Variants in SYCP3 observed in about 807,000 individuals in gnomAD.
SYCP3 encodes the protein synaptonemal complex protein 3.
In SYCP3, 29 loss-of-function variants were observed where a neutral mutation model predicts 38.5. The ratio of observed to expected loss-of-function variants is 0.75; its 90% CI spans 0.56 to 1.03. The LOEUF (loss-of-function observed/expected upper bound fraction) is 1.03, where lower values mean the gene tolerates loss of function less well. Among genes scored for constraint, SYCP3 ranks in the 50% least tolerant of loss-of-function variants. The probability of loss-of-function intolerance (pLI) is 0.00; values close to 1 mark genes in which losing one functional copy is unlikely to be tolerated. For synonymous variants in SYCP3, 79 were observed against 80.3 expected (o/e 0.98, Z 0.08); for missense variants, 242 against 270.7 (o/e 0.89, Z 0.74).
At chr12:101,731,542 G>GTTGT in intron 7 of SYCP3, 26 bp downstream of exon 7, 1 of 1,434,212 alleles carries the variant, frequency 7.0e-7, no homozygotes, top group Non-Finnish European at 9.6e-7. Context: ...TTATAACGAT[G>GTTGT]TATTGTGTTA....
At chr12:101,736,619 T>C (rs758954605) in intron 4 of SYCP3, among the ~76,000 whole-genome samples, 1 of 151,822 alleles carries the variant, frequency 6.6e-6, no homozygotes, top group Non-Finnish European at 1.5e-5. Context: ...ATTTACACTG[T>C]CCTCCCTAAA....
chr12:101,735,137 CA>C (rs1952353292), intron 4 of SYCP3, 93 bp from the exon 5 acceptor site: 9 of 772,160 alleles, frequency 1.2e-5, no homozygotes, highest in Non-Finnish European at 1.7e-5. Flanking sequence ...GTTGGTTCAA[CA>C]ATATTGGAAA....
intron 6 of SYCP3, 36 bp downstream of exon 6, chr12:101,733,539 G>A (rs1952270693): frequency 1.3e-6 from 2 of 1,573,468 alleles, no homozygotes; most frequent in East Asian, 4.5e-5. Flanking sequence ...TCCTACTTGA[G>A]ACTTGGTTGA....
Position 101,729,211 on chromosome 12 carries a change from A to G in SYCP3, c.555T>C (p.Ser185=). ...CATGATTCTTCTCCAACTCTTCCAT[A>G]CTCTAAAAACACAAAAGACAAGTTA... ...IKQLYEQFIK[S]MEELEKNHDN... Residue 185 remains serine, a splice_region_variant and synonymous_variant, in exon 8 of 9, where the codon AGT becomes AGC. Transcript: ENST00000392924. 1.2e-6 allele frequency: 2 copies of G among 1,612,582 alleles called. No individual in the cohort carries two copies. The highest frequency in any genetic ancestry group is 2.2e-5 in the East Asian group (1 of 44,698).
At position 101,735,029 on chromosome 12, in the gene SYCP3, G is replaced by T; in HGVS notation, c.251C>A (p.Ala84Asp). The part of the protein sequence containing the change: ...LEGVGVDINK[A>D]LLAKRKRLEM... ...TAGTCTCTTTCTCTTGGCAAGAAGA[G>T]CCTTGTTAATGTCAACTAGATTGAA... Residue 84 changes from alanine (A) to aspartate (D), a missense_variant, in exon 5 of 9, where the codon GCT (alanine) becomes GAT (aspartate). Coordinates refer to ENST00000392924, the MANE Select transcript of SYCP3 (RefSeq NM_001177949.2). 6.2e-7 allele frequency: 1 copy of T among 1,608,456 alleles called. No individual in the cohort carries two copies. Among genetic ancestry groups the T allele is most frequent in the Non-Finnish European group, 8.5e-7 (1 of 1,175,326 alleles).
rs760848014 is a variant in SYCP3 at position 101,737,313 on chromosome 12, A to T, written c.134-15T>A. The T allele has an allele frequency of 2.5e-4, 14 of 55,672 alleles. No homozygotes were observed. Among genetic ancestry groups the T allele is most frequent in the African/African-American group, 8.5e-4 (7 of 8,202 alleles). 3.4% of individuals were successfully genotyped at this position (55,672 alleles called of 1,614,324 possible). ...TGCAGTCTTCCCTGTATTGACAATT[A>T]AAAAAAAAAAAAAAAAGCTTTTGAA... On this transcript the variant is annotated splice_polypyrimidine_tract_variant and intron_variant, in intron 2 of 8. Transcript: ENST00000392924.
In SYCP3 at chr12:101,728,788, AAGGGAGGTCTTACAATG is replaced by A; in HGVS notation, c.*122_*138del. The A allele has an allele frequency of 8.2e-7, 1 of 1,222,344 alleles. No homozygotes were observed. Among genetic ancestry groups the A allele is most frequent in the South Asian group, 1.4e-5 (1 of 73,868 alleles). 75.7% of individuals were successfully genotyped at this position (1,222,344 alleles called of 1,614,324 possible). ...AACTATTTAGATTTGACTTAACAGA[AAGGGAGGTCTTACAATG>A]AAACAGGTTTATGATTAAAGATGTT... On this transcript the variant is annotated 3_prime_UTR_variant, in exon 9 of 9. Coordinates refer to ENST00000392924, the MANE Select transcript of SYCP3 (RefSeq NM_001177949.2).
chr12:101,738,788 G>A (rs1035939850), intron 1 of SYCP3, among the ~76,000 whole-genome samples: 1 of 152,212 alleles, frequency 6.6e-6, no homozygotes, highest in African/African-American at 2.4e-5. Flanking sequence ...CTCCAAGCGC[G>A]CAGTGCTGGA....
At position 101,739,431 on chromosome 12, in the gene SYCP3, A is replaced by T; in HGVS notation, c.-98T>A. 1.0e-6 allele frequency: 1 copy of T among 1,002,618 alleles called. No homozygotes were observed. The highest frequency in any genetic ancestry group is 1.2e-6 in the Non-Finnish European group (1 of 830,312). 62.1% of individuals were successfully genotyped at this position (1,002,618 alleles called of 1,614,324 possible). On this transcript the variant is annotated 5_prime_UTR_variant, in exon 1 of 9. Coordinates refer to ENST00000392924, the MANE Select transcript of SYCP3 (RefSeq NM_001177949.2). ...CACAACTCCTCCACAAGCGCGCTTCACCTGAGGTGGCCCCTTCTCCGCGAC... is the reference window on the plus strand; with the variant it reads ...CACAACTCCTCCACAAGCGCGCTTCTCCTGAGGTGGCCCCTTCTCCGCGAC...
chr12:101,729,606 C>T (rs1952093365), intron 7 of SYCP3: 1 of 167,696 alleles, frequency 6.0e-6, no homozygotes, highest in Non-Finnish European at 1.3e-5. Flanking sequence ...TATAGTACAA[C>T]CTCTTTCACA....
chr12:101,733,531 C>A, intron 6 of SYCP3, 44 bp downstream of exon 6: 1 of 1,549,450 alleles, frequency 6.5e-7, no homozygotes, highest in East Asian at 2.2e-5. Flanking sequence ...TTGTCCATTC[C>A]TACTTGAGAC....
chr12:101,730,584 C>G lies in SYCP3; in HGVS notation c.552+984G>C, dbSNP rs931498932. ...TTTCAGCTCACTGCAACCTTTGCCT[C>G]CAGGGCTCAAGTGATCCTCCCACCT... On this transcript the variant is annotated intron_variant, in intron 7 of 8. Transcript: ENST00000392924. 7.0e-5 allele frequency: 25 copies of G among 355,152 alleles called. No homozygotes were observed. In the Middle Eastern group the frequency reaches 3.1e-3, roughly 45 times the overall value. 22.0% of individuals were successfully genotyped at this position (355,152 alleles called of 1,614,324 possible). A position where few individuals can be genotyped will look rare whatever the true frequency, so the allele number is the denominator to read the frequency against.
rs1308098681 is a variant in SYCP3 at position 101,739,457 on chromosome 12, G to A, written c.-124C>T. On this transcript the variant is annotated 5_prime_UTR_variant, in exon 1 of 9. Transcript: ENST00000392924. Reference sequence around the variant, plus strand: ...CCTGAGGTGGCCCCTTCTCCGCGACGCTTCTGAGGCAAGCTGGGATTCGCA... The same window carrying A: ...CCTGAGGTGGCCCCTTCTCCGCGACACTTCTGAGGCAAGCTGGGATTCGCA... The A allele has an allele frequency of 2.2e-5, 22 of 1,002,462 alleles. No homozygotes were observed. The highest frequency in any genetic ancestry group is 2.5e-5 in the Non-Finnish European group (21 of 830,314). 62.1% of individuals were successfully genotyped at this position (1,002,462 alleles called of 1,614,324 possible).
intron 4 of SYCP3, 86 bp from the exon 5 acceptor site, chr12:101,735,130 G>T: frequency 2.4e-6 from 2 of 832,080 alleles, no homozygotes; most frequent in South Asian, 1.5e-5. Context: ...GGGTAAGGTT[G>T]GTTCAACAAT....
rs546083108 is a variant in SYCP3, at chr12:101,737,735, G to A, written c.133+68C>T. On this transcript the variant is annotated intron_variant, in intron 2 of 8. Transcript: ENST00000392924. Reference sequence around the variant, plus strand: ...AAATGCTTTACAAACTAAGTTGTACGATAGTCTCAATGGGTTCAAAACAAA... The same window carrying A: ...AAATGCTTTACAAACTAAGTTGTACAATAGTCTCAATGGGTTCAAAACAAA... 198 of 1,605,268 alleles carry A rather than the reference G, an allele frequency of 1.2e-4. No individual in the cohort carries two copies. In the African/African-American group the frequency reaches 1.7e-3, roughly 14 times the overall value.
In SYCP3 at chr12:101,731,556, C is replaced by T; in HGVS notation, c.552+12G>A. Reference sequence around the variant, plus strand: ...TTTATAACGATGTATTGTGTTACCACATACAACAAACCTTTATGAACTGCT... The same window carrying T: ...TTTATAACGATGTATTGTGTTACCATATACAACAAACCTTTATGAACTGCT... On this transcript the variant is annotated intron_variant, in intron 7 of 8. Transcript: ENST00000392924. 1.3e-6 allele frequency: 2 copies of T among 1,554,610 alleles called. No individual in the cohort carries two copies. Among genetic ancestry groups the T allele is most frequent in the African/African-American group, 2.7e-5 (2 of 73,654 alleles).
chr12:101,738,162 G>T (rs934347723), intron 1 of SYCP3, among the ~76,000 whole-genome samples: 1 of 152,058 alleles, frequency 6.6e-6, no homozygotes, highest in African/African-American at 2.4e-5. Flanking sequence ...GGTAGCTCAC[G>T]CCTGAAATCC....
At chr12:101,739,197 C>G in intron 1 of SYCP3, 154 bp downstream of exon 1, 2 of 702,116 alleles carry the variant, frequency 2.8e-6, no homozygotes, top group Non-Finnish European at 3.5e-6. Flanking sequence ...TTCCACTAGG[C>G]CCTATCCTGC....
chr12:101,730,435 C>T, intron 7 of SYCP3: 1 of 408,622 alleles, frequency 2.4e-6, no homozygotes, highest in Non-Finnish European at 4.7e-6. Flanking sequence ...AGCATTGGAA[C>T]AAGACAACAA....
Sources: gnomAD v4.1 joint callset for allele counts (sites outside exome capture counted in the v4.1 genomes callset) on GRCh38, gnomAD v4.1.1 for gene constraint, MANE v1.5 for transcripts, NCBI Gene and HGNC (gene_info 2026-07-23, HGNC 2026-07-21) for gene names.